The following MGMT variants were observed in gnomAD, a reference collection of about 807,000 sequenced individuals.
The protein encoded by MGMT is O-6-methylguanine-DNA methyltransferase.
A neutral mutation model predicts 15.9 loss-of-function variants in MGMT; 14 were observed. That is an observed-to-expected ratio of 0.88 (90% CI 0.58 to 1.37). The LOEUF (loss-of-function observed/expected upper bound fraction) is 1.37. Among genes scored for constraint, MGMT ranks in the 40% most tolerant of loss-of-function variants. The probability of loss-of-function intolerance (pLI) is 0.00; values close to 1 mark genes in which losing one functional copy is unlikely to be tolerated. For synonymous variants in MGMT, 130 were observed against 118.2 expected, an observed-to-expected ratio of 1.10 and a Z score of -0.65; for missense variants, 282 against 268.1, an observed-to-expected ratio of 1.05 and a Z score of -0.36.
chr10:129,545,745 T>G (rs1846091568), intron 2 of MGMT, among the ~76,000 whole-genome samples: 1 of 152,222 alleles, frequency 6.6e-6, no homozygotes, highest in Admixed American at 6.5e-5. Context: ...CCTATATCTG[T>G]AAGATTTTCT....
chr10:129,528,845 T>C (rs1845898735), intron 1 of MGMT, among the ~76,000 whole-genome samples: 1 of 152,186 alleles, frequency 6.6e-6, no homozygotes, highest in Non-Finnish European at 1.5e-5. Context: ...AAAAAGTATA[T>C]GAAAACAAGA....
chr10:129,759,091 A>G (rs1483896103), intron 3 of MGMT, 111 bp from the exon 4 acceptor site: 2 of 1,341,862 alleles, frequency 1.5e-6, no homozygotes, highest in Non-Finnish European at 2.1e-6. Context: ...AATTGAGTAT[A>G]ATACCTCTAT....
intron 2 of MGMT, among the ~76,000 whole-genome samples, chr10:129,572,897 C>T (rs1045047146): frequency 6.6e-6 from 1 of 152,068 alleles, no homozygotes. Context: ...TAAAGTCTCC[C>T]GAGGTTTTGT....
chr10:129,600,302 C>T (rs1231954415), intron 2 of MGMT, among the ~76,000 whole-genome samples: 1 of 152,148 alleles, frequency 6.6e-6, no homozygotes, highest in Non-Finnish European at 1.5e-5. Flanking sequence ...CCTACAAACC[C>T]ACCTGAATTT....
intron 2 of MGMT, among the ~76,000 whole-genome samples, chr10:129,551,523 G>C (rs1253049224): frequency 6.6e-6 from 1 of 152,078 alleles, no homozygotes; most frequent in Non-Finnish European, 1.5e-5. Context: ...GCTGCCCCCG[G>C]GAGCCCTCAT....
At chr10:129,586,426 T>TG (rs1337944273) in intron 2 of MGMT, among the ~76,000 whole-genome samples, 3 of 152,232 alleles carry the variant, frequency 2.0e-5, no homozygotes, top group African/African-American at 7.2e-5. Flanking sequence ...AATTTTGTGA[T>TG]GCACATATAT....
chr10:129,692,946 T>G (rs942415515), intron 2 of MGMT, among the ~76,000 whole-genome samples: 4 of 152,230 alleles, frequency 2.6e-5, no homozygotes, highest in African/African-American at 9.6e-5. Flanking sequence ...CGGTAAGTTC[T>G]GTAGAGTGGA....
chr10:129,735,498 T>G (rs1275309625), intron 3 of MGMT, among the ~76,000 whole-genome samples: 2 of 152,186 alleles, frequency 1.3e-5, no homozygotes, highest in Non-Finnish European at 2.9e-5. Context: ...TTGTTGATCC[T>G]TTCAAAAAGC....
chr10:129,470,083 G>C (rs987464479), intron 1 of MGMT, among the ~76,000 whole-genome samples: 1 of 152,202 alleles, frequency 6.6e-6, no homozygotes, highest in Non-Finnish European at 1.5e-5. Context: ...TCACCTGACT[G>C]TGGGGTGAGA....
At chr10:129,714,110 C>T (rs996246881) in intron 3 of MGMT, among the ~76,000 whole-genome samples, 1 of 152,232 alleles carries the variant, frequency 6.6e-6, no homozygotes, top group Admixed American at 6.5e-5. Flanking sequence ...AGGGCATGCC[C>T]GCAGAGCCCC....
chr10:129,665,350 C>A (rs892443550), intron 2 of MGMT, among the ~76,000 whole-genome samples: 8 of 151,162 alleles, frequency 5.3e-5, no homozygotes, highest in African/African-American at 1.5e-4. Flanking sequence ...CTCAGAGTCT[C>A]CCCAAGCCTT....
intron 2 of MGMT, among the ~76,000 whole-genome samples, chr10:129,627,666 C>T (rs1847166039): frequency 6.6e-6 from 1 of 152,202 alleles, no homozygotes; most frequent in Admixed American, 6.5e-5. Flanking sequence ...TAAACACCCT[C>T]ATGTTAGCCT....
chr10:129,703,672 G>A (rs57731326), intron 2 of MGMT, among the ~76,000 whole-genome samples: 1,893 of 150,746 alleles, frequency 0.013, 28 homozygotes, highest in African/African-American at 0.043. Flanking sequence ...CTCCATCCTC[G>A]CCGGGGGGGC....
chr10:129,729,738 A>T (rs985509160), intron 3 of MGMT, among the ~76,000 whole-genome samples: 1 of 152,216 alleles, frequency 6.6e-6, no homozygotes. Flanking sequence ...AGAATAATTC[A>T]TTAAGAAATT....
At chr10:129,550,771 C>G (rs1846148132) in intron 2 of MGMT, among the ~76,000 whole-genome samples, 1 of 152,172 alleles carries the variant, frequency 6.6e-6, no homozygotes, top group Non-Finnish European at 1.5e-5. Flanking sequence ...TTCTGTCTTG[C>G]AGAACTGAAA....
intron 4 of MGMT, among the ~76,000 whole-genome samples, chr10:129,759,951 G>A (rs1228720587): frequency 2.6e-5 from 4 of 152,204 alleles, no homozygotes; most frequent in Middle Eastern, 3.2e-3. Flanking sequence ...CAGGGATGGC[G>A]CCCTCCCCAG....
chr10:129,752,582 G>T (rs1848761245), intron 3 of MGMT, among the ~76,000 whole-genome samples: 1 of 150,972 alleles, frequency 6.6e-6, no homozygotes, highest in South Asian at 2.1e-4. Context: ...TTAGTGTTTT[G>T]TTTTATTTGT....
At chr10:129,504,199 G>A (rs1287179535) in intron 1 of MGMT, among the ~76,000 whole-genome samples, 1 of 152,210 alleles carries the variant, frequency 6.6e-6, no homozygotes, top group Non-Finnish European at 1.5e-5. Context: ...GTGGCAATCA[G>A]GTGTATGTAC....
Position 129,599,917 on chromosome 10 carries a change from C to T in MGMT, c.125+63540C>T, listed in dbSNP as rs537693118. Among the ~76,000 whole-genome samples, 118 of 152,298 alleles carry T rather than the reference C, an allele frequency of 7.7e-4. 1 individual carries two copies. Among genetic ancestry groups the T allele is most frequent in the South Asian group, 4.3e-3 (21 of 4,828 alleles). On this transcript the variant is annotated intron_variant, in intron 2 of 4. Coordinates refer to ENST00000651593, the MANE Select transcript of MGMT (RefSeq NM_002412.5). Reference sequence around the variant, plus strand: ...ATATTAACTGTGCATATCCCTGCAACGTTTGCACACTAATGTACATTGGTC... The same window carrying T: ...ATATTAACTGTGCATATCCCTGCAATGTTTGCACACTAATGTACATTGGTC...
Sources: gnomAD v4.1 joint callset for allele counts (sites outside exome capture counted in the v4.1 genomes callset) on GRCh38, gnomAD v4.1.1 for gene constraint, MANE v1.5 for transcripts, NCBI Gene and HGNC (gene_info 2026-07-23, HGNC 2026-07-21) for gene names.